Variants in SV2B observed in about 807,000 individuals in gnomAD.
SV2B encodes the protein synaptic vesicle glycoprotein 2B, also known as solute carrier family 22 member B2.
In SV2B, 41 loss-of-function variants were observed where a neutral mutation model predicts 73.9. The ratio of observed to expected loss-of-function variants is 0.56; its 90% CI spans 0.43 to 0.72. SV2B has a LOEUF of 0.72. SV2B is among the 30% of genes least tolerant of loss of function. The probability of loss-of-function intolerance (pLI) is 0.00; values close to 1 mark genes in which losing one functional copy is unlikely to be tolerated. For missense variants in SV2B, 764 were observed against 857.8 expected (o/e 0.89, Z 1.37); for synonymous variants, 314 against 314.2 (o/e 1.00, Z 0.01).
intron 1 of SV2B, among the ~76,000 whole-genome samples, chr15:91,117,859 C>G (rs1282139069): frequency 6.6e-6 from 1 of 152,184 alleles, no homozygotes; most frequent in African/African-American, 2.4e-5. Context: ...TCTACCAAAG[C>G]AAGTTCCCTA....
rs572687652 is a variant in SV2B at position 91,231,831 on chromosome 15, C to G, written c.451+5117C>G. ...CAGTGAAAAGACTCTGGGAGTTATA[C>G]CTTTCAGAAAGTGATTTAGAATCTA... On this transcript the variant is annotated intron_variant, in intron 2 of 12. Coordinates refer to ENST00000394232, the MANE Select transcript of SV2B (RefSeq NM_001323032.3). The surrounding 1 kb of genome is among the most constrained non-coding windows in gnomAD (Gnocchi z 4.5). Among the ~76,000 whole-genome samples, 1 of 152,222 alleles carries G rather than the reference C, an allele frequency of 6.6e-6. No homozygotes were observed. Among genetic ancestry groups the G allele is most frequent in the East Asian group, 1.9e-4 (1 of 5,186 alleles).
At chr15:91,211,992 A>G (rs1173659884) in intron 1 of SV2B, among the ~76,000 whole-genome samples, 1 of 151,328 alleles carries the variant, frequency 6.6e-6, no homozygotes, top group African/African-American at 2.4e-5. Flanking sequence ...TTTTGAATCA[A>G]CTCTACTGTG....
At chr15:91,181,174 C>T (rs2044541581) in intron 1 of SV2B, among the ~76,000 whole-genome samples, 1 of 152,210 alleles carries the variant, frequency 6.6e-6, no homozygotes, top group Admixed American at 6.5e-5. Flanking sequence ...ACCCTGTTTG[C>T]CTGGGTTTCA....
At position 91,207,495 on chromosome 15, in the gene SV2B, A is replaced by G. The variant is rs143691067; in HGVS notation, c.-391-18378A>G. Among the ~76,000 whole-genome samples the G allele has an allele frequency of 2.8e-3, 430 of 152,228 alleles. 4 individuals are homozygous for G. The highest frequency in any genetic ancestry group is 9.8e-3 in the African/African-American group (405 of 41,532). ...TCTGTGTGGTCCCCACCAAGGAAAC[A>G]ATTTGTTCGCCGGCATACCAAGGGT... On this transcript the variant is annotated intron_variant, in intron 1 of 12. Transcript: ENST00000394232.
At chr15:91,226,755 G>A (rs1416463716) in intron 2 of SV2B, 41 bp downstream of exon 2, 1 of 1,575,790 alleles carries the variant, frequency 6.3e-7, no homozygotes, top group Non-Finnish European at 8.5e-7. Context: ...TGAAAGGGAA[G>A]GAGAAGTAAA....
chr15:91,282,503 G>A (rs974673681), intron 10 of SV2B, among the ~76,000 whole-genome samples: 2 of 152,076 alleles, frequency 1.3e-5, no homozygotes, highest in Non-Finnish European at 2.9e-5. Flanking sequence ...GCTTCATTAG[G>A]GGGCTTTACC....
chr15:91,200,977 G>A (rs181742092), intron 1 of SV2B, among the ~76,000 whole-genome samples: 68 of 152,282 alleles, frequency 4.5e-4, no homozygotes, highest in African/African-American at 1.6e-3. Flanking sequence ...ACACATCCTG[G>A]ATTTCACAGT....
At chr15:91,264,786 C>T (rs528261125) in intron 6 of SV2B, among the ~76,000 whole-genome samples, 8 of 152,124 alleles carry the variant, frequency 5.3e-5, no homozygotes, top group Admixed American at 5.2e-4. Flanking sequence ...TGGGAGTGCA[C>T]CCGGAGGAAG....
intron 9 of SV2B, among the ~76,000 whole-genome samples, chr15:91,275,423 T>C (rs1423996072): frequency 6.6e-6 from 1 of 152,246 alleles, no homozygotes; most frequent in African/African-American, 2.4e-5. Flanking sequence ...TCTCCTGTTT[T>C]ATGTGATTGT....
intron 1 of SV2B, among the ~76,000 whole-genome samples, chr15:91,185,860 T>C (rs2044750261): frequency 6.6e-6 from 1 of 152,322 alleles, no homozygotes; most frequent in South Asian, 2.1e-4. Context: ...GACTAACTCC[T>C]GGTCCCAAGC....
intron 1 of SV2B, among the ~76,000 whole-genome samples, chr15:91,213,023 C>T (rs1194168532): frequency 6.6e-6 from 1 of 150,988 alleles, no homozygotes; most frequent in Non-Finnish European, 1.5e-5. Flanking sequence ...CATGGTGGCT[C>T]ACACCTGTAA....
At chr15:91,210,780 G>T (rs1394340055) in intron 1 of SV2B, among the ~76,000 whole-genome samples, 2 of 152,204 alleles carry the variant, frequency 1.3e-5, no homozygotes, top group Non-Finnish European at 2.9e-5. Flanking sequence ...GCCTCCAAAG[G>T]TTCAAACGAA....
Position 91,251,915 on chromosome 15 carries a change from C to T in SV2B, c.548C>T (p.Ala183Val). The T allele has an allele frequency of 6.2e-7, 1 of 1,614,130 alleles. No individual in the cohort carries two copies. Among genetic ancestry groups the T allele is most frequent in the Non-Finnish European group, 8.5e-7 (1 of 1,180,030 alleles). The change falls in exon 3 of 13, where the codon GCC (alanine) becomes GTC (valine). Residue 183 changes from alanine (A) to valine (V), a missense_variant. Transcript: ENST00000394232. ...GRKRVLSMSL[A>V]VNASFASLSS... ...AAGCGAGTCCTCAGCATGTCTCTGGCCGTCAATGCCTCCTTCGCCTCCCTC... is the reference window on the plus strand; with the variant it reads ...AAGCGAGTCCTCAGCATGTCTCTGGTCGTCAATGCCTCCTTCGCCTCCCTC...
intron 1 of SV2B, among the ~76,000 whole-genome samples, chr15:91,201,483 T>C (rs879560325): frequency 6.6e-6 from 1 of 152,186 alleles, no homozygotes; most frequent in Non-Finnish European, 1.5e-5. Context: ...GAGACTCAAC[T>C]CTGGGTAGCC....
chr15:91,229,391 G>T lies in SV2B; in HGVS notation c.451+2677G>T, dbSNP rs777310153. ...ATAATGCAGGTGTAAAGCAACCAGC[G>T]CTTGTTGCCCTCTCAACAATGATTA... On this transcript the variant is annotated intron_variant, in intron 2 of 12. Transcript: ENST00000394232. The surrounding 1 kb of genome is among the most constrained non-coding windows in gnomAD (Gnocchi z 4.3). Among the ~76,000 whole-genome samples the T allele has an allele frequency of 6.6e-5, 10 of 152,130 alleles. No homozygotes were observed. The highest frequency in any genetic ancestry group is 1.0e-4 in the Non-Finnish European group (7 of 68,012).
intron 1 of SV2B, among the ~76,000 whole-genome samples, chr15:91,114,275 G>T (rs532118554): frequency 6.6e-6 from 1 of 152,010 alleles, no homozygotes; most frequent in South Asian, 2.1e-4. Context: ...GAGAGGGTCT[G>T]GACAGTCTAA....
At chr15:91,155,292 C>T (rs1049562031) in intron 1 of SV2B, among the ~76,000 whole-genome samples, 3 of 152,176 alleles carry the variant, frequency 2.0e-5, no homozygotes, top group African/African-American at 7.2e-5. Flanking sequence ...AAGAGCAGAC[C>T]ACTTGTGTTT....
intron 9 of SV2B, among the ~76,000 whole-genome samples, chr15:91,273,048 G>T (rs2048369672): frequency 6.6e-6 from 1 of 152,032 alleles, no homozygotes; most frequent in Admixed American, 6.6e-5. Context: ...TGCCAGGCTG[G>T]TCTCGAACTC....
At position 91,277,027 on chromosome 15, in the gene SV2B, G is replaced by A. The variant is rs997737460; in HGVS notation, c.1374-4701G>A. 1.1e-4 allele frequency among the ~76,000 whole-genome samples: 17 copies of A among 151,978 alleles called. No individual in the cohort carries two copies. The South Asian group carries it at 1.2e-3, about 11-fold the overall frequency. On this transcript the variant is annotated intron_variant, in intron 9 of 12. Transcript: ENST00000394232. ...AGTAGAGACGGGGTTTCTCCATGTT[G>A]GTCAGGCTAGTCTCAAATTCCCGAC...
Sources: gnomAD v4.1 joint callset for allele counts (sites outside exome capture counted in the v4.1 genomes callset) on GRCh38, gnomAD v4.1.1 for gene constraint, Gnocchi (gnomAD v3.1) non-coding constraint, MANE v1.5 for transcripts, NCBI Gene and HGNC (gene_info 2026-07-23, HGNC 2026-07-21) for gene names.